Variants in SMYD3 observed in about 807,000 individuals in gnomAD.
SMYD3 encodes histone-lysine N-methyltransferase SMYD3.
A neutral mutation model predicts 57.7 loss-of-function variants in SMYD3; 36 were observed. That is an observed-to-expected ratio of 0.62 (90% CI 0.48 to 0.82). SMYD3 has a LOEUF of 0.82. SMYD3 is among the 40% of genes least tolerant of loss of function. SMYD3 has a pLI of 0.00. For synonymous variants in SMYD3, 211 were observed against 195.0 expected (o/e 1.08, Z -0.68); for missense variants, 515 against 538.8 (o/e 0.96, Z 0.44).
chr1:246,158,855 T>A (rs1225692688), intron 5 of SMYD3, among the ~76,000 whole-genome samples: 1 of 152,194 alleles, frequency 6.6e-6, no homozygotes, highest in Non-Finnish European at 1.5e-5. Flanking sequence ...CTGCTTTACA[T>A]CAGCATAGTT....
intron 8 of SMYD3, among the ~76,000 whole-genome samples, chr1:245,875,832 A>G (rs1165963028): frequency 6.6e-6 from 1 of 152,164 alleles, no homozygotes; most frequent in Non-Finnish European, 1.5e-5. Flanking sequence ...CTACTCTGAA[A>G]GTAAGATTTT....
intron 5 of SMYD3, among the ~76,000 whole-genome samples, chr1:246,079,244 C>T (rs2060597787): frequency 6.6e-6 from 1 of 152,052 alleles, no homozygotes; most frequent in Non-Finnish European, 1.5e-5. Flanking sequence ...CTGATAAAGT[C>T]TGAAATAGGA....
intron 1 of SMYD3, among the ~76,000 whole-genome samples, chr1:246,493,033 T>C (rs2068295085): frequency 2.0e-5 from 3 of 152,228 alleles, no homozygotes; most frequent in African/African-American, 7.2e-5. Flanking sequence ...TATGGTGATA[T>C]TAGTATGTAC....
rs962559290 is a variant in SMYD3, at chr1:246,398,426, A to G, written c.165-43332T>C. On this transcript the variant is annotated intron_variant, in intron 1 of 11. Coordinates refer to ENST00000490107, the MANE Select transcript of SMYD3 (RefSeq NM_001167740.2). ...GTCAGCCATGCTGGACTTCTCTGTC[A>G]TAATCATTGCAAAGCTGGTTTCATA... Among the ~76,000 whole-genome samples, 56 of 152,390 alleles carry G rather than the reference A, an allele frequency of 3.7e-4. 1 individual carries two copies. The highest frequency in any genetic ancestry group is 1.3e-3 in the African/African-American group (55 of 41,598).
At chr1:246,158,004 C>A (rs1398451687) in intron 5 of SMYD3, among the ~76,000 whole-genome samples, 1 of 152,164 alleles carries the variant, frequency 6.6e-6, no homozygotes, top group African/African-American at 2.4e-5. Context: ...ATTGAATGGA[C>A]AGTTGCAGGT....
chr1:246,233,334 G>A (rs1254875888), intron 5 of SMYD3, among the ~76,000 whole-genome samples: 1 of 125,126 alleles, frequency 8.0e-6, no homozygotes, highest in Non-Finnish European at 1.6e-5. Flanking sequence ...ACCACACAGA[G>A]GAGAAGCGCT....
intron 5 of SMYD3, chr1:245,955,875 GGTT>G: frequency 1.2e-6 from 1 of 844,468 alleles, no homozygotes; most frequent in Non-Finnish European, 1.3e-6. Context: ...ATTTGTTTTG[GGTT>G]TTTTTTTTTT....
chr1:246,367,516 T>G (rs2066125989), intron 1 of SMYD3, among the ~76,000 whole-genome samples: 1 of 152,164 alleles, frequency 6.6e-6, no homozygotes, highest in South Asian at 2.1e-4. Flanking sequence ...AACCGCAACC[T>G]CTGCCTCCCG....
chr1:245,927,851 A>C (rs1481420121), intron 7 of SMYD3, 80 bp downstream of exon 7: 2 of 1,103,528 alleles, frequency 1.8e-6, no homozygotes, highest in East Asian at 5.0e-5. Flanking sequence ...CCTCAGGCAC[A>C]ATCAGTTTTA....
intron 9 of SMYD3, 45 bp from the exon 10 acceptor site, chr1:245,858,715 AAAAC>A (rs761681900): frequency 1.2e-5 from 19 of 1,575,626 alleles, no homozygotes; most frequent in Admixed American, 1.8e-5. Flanking sequence ...CATCAAGAAA[AAAAC>A]AAACAAAATT....
At chr1:246,465,452 A>T (rs951390347) in intron 1 of SMYD3, among the ~76,000 whole-genome samples, 2 of 152,232 alleles carry the variant, frequency 1.3e-5, no homozygotes, top group African/African-American at 4.8e-5. Flanking sequence ...TACACCACTA[A>T]TAACTCCTCG....
At position 246,233,786 on chromosome 1, in the gene SMYD3, A is replaced by G. The variant is rs2063465794; in HGVS notation, c.531+93415T>C. ...CACGCAGAGGAGAAACGCTCCTTCAATTCACACTGTGATGAACATATACCA... is the reference window on the plus strand; with the variant it reads ...CACGCAGAGGAGAAACGCTCCTTCAGTTCACACTGTGATGAACATATACCA... On this transcript the variant is annotated intron_variant, in intron 5 of 11. Transcript: ENST00000490107. 1.6e-5 allele frequency among the ~76,000 whole-genome samples: 2 copies of G among 126,298 alleles called. 1 individual carries two copies. The allele number at this position is 126,298 out of a possible 152,430, so 82.9% of individuals were successfully genotyped here.
At chr1:246,393,345 T>C (rs926708953) in intron 1 of SMYD3, among the ~76,000 whole-genome samples, 2 of 152,152 alleles carry the variant, frequency 1.3e-5, no homozygotes, top group African/African-American at 4.8e-5. Flanking sequence ...AACCAGAGGC[T>C]GCCTGATCCC....
chr1:246,494,105 A>G (rs1383779898), intron 1 of SMYD3, among the ~76,000 whole-genome samples: 1 of 152,136 alleles, frequency 6.6e-6, no homozygotes, highest in East Asian at 1.9e-4. Context: ...CAAATCTTCC[A>G]TGTGCACCTC....
chr1:246,272,879 A>G (rs1450938076), intron 5 of SMYD3, among the ~76,000 whole-genome samples: 1 of 152,160 alleles, frequency 6.6e-6, no homozygotes, highest in Admixed American at 6.5e-5. Context: ...TTCTCTATAA[A>G]TGTTTGGTAG....
chr1:246,327,933 C>T (rs2065382233), intron 4 of SMYD3, among the ~76,000 whole-genome samples: 1 of 152,160 alleles, frequency 6.6e-6, no homozygotes, highest in Non-Finnish European at 1.5e-5. Context: ...GTGACTCACG[C>T]CTGTAACCCC....
At chr1:246,301,096 A>C (rs1239840146) in intron 5 of SMYD3, among the ~76,000 whole-genome samples, 1 of 152,204 alleles carries the variant, frequency 6.6e-6, no homozygotes, top group Non-Finnish European at 1.5e-5. Context: ...TACTACCAGT[A>C]CCAAATGTGC....
chr1:246,503,903 A>G (rs984925245), intron 1 of SMYD3, among the ~76,000 whole-genome samples: 4 of 150,790 alleles, frequency 2.7e-5, no homozygotes, highest in Non-Finnish European at 5.9e-5. Context: ...GTGGTGAGCC[A>G]AGATCACACC....
intron 1 of SMYD3, among the ~76,000 whole-genome samples, chr1:246,481,947 T>C (rs555112251): frequency 6.6e-6 from 1 of 151,838 alleles, no homozygotes; most frequent in East Asian, 2.0e-4. Context: ...ACTCGAGTCC[T>C]GGAGTTCAAG....
Sources: gnomAD v4.1 joint callset for allele counts (sites outside exome capture counted in the v4.1 genomes callset) on GRCh38, gnomAD v4.1.1 for gene constraint, MANE v1.5 for transcripts, NCBI Gene and HGNC (gene_info 2026-07-23, HGNC 2026-07-21) for gene names.